SRSF11: variants seen among roughly 807,000 people sequenced by gnomAD.
SRSF11 encodes the protein serine and arginine rich splicing factor 11.
Under a neutral mutation model 56.0 loss-of-function variants are expected in SRSF11, and 9 were observed. The observed-to-expected ratio is 0.16, with a 90% CI of 0.10 to 0.28. The LOEUF (loss-of-function observed/expected upper bound fraction) is 0.28. Among genes scored for constraint, SRSF11 ranks in the 10% least tolerant of loss-of-function variants. SRSF11 has a pLI of 1.00. For missense variants in SRSF11, 421 were observed against 600.7 expected (o/e 0.70, Z 3.13); for synonymous variants, 222 against 215.3 (o/e 1.03, Z -0.27).
rs1677850132 is a variant in SRSF11, at chr1:70,250,877, T to A, written c.*72T>A. 1 of 1,367,900 alleles carries A rather than the reference T, an allele frequency of 7.3e-7. No homozygotes were observed. The highest frequency in any genetic ancestry group is 1.0e-6 in the Non-Finnish European group (1 of 966,428). The allele number at this position is 1,367,900 out of a possible 1,614,324, so 84.7% of individuals were successfully genotyped here. ...TCCTTTGTGTGATTTCTTAATGCTGTATTTGTTCATCTCAAACCTAGATGT... is the reference window on the plus strand; with the variant it reads ...TCCTTTGTGTGATTTCTTAATGCTGAATTTGTTCATCTCAAACCTAGATGT... On this transcript the variant is annotated 3_prime_UTR_variant, in exon 12 of 12. Coordinates refer to ENST00000370949, the MANE Select transcript of SRSF11 (RefSeq NM_001350605.2).
chr1:70,210,751 C>T (rs554831776), intron 1 of SRSF11, among the ~76,000 whole-genome samples: 83 of 152,182 alleles, frequency 5.5e-4, no homozygotes, highest in African/African-American at 2.0e-3. Context: ...CAGCTCTCTC[C>T]ACTTTCAACA....
At chr1:70,230,817 A>G (rs1286376361) in intron 2 of SRSF11, 1 of 1,177,570 alleles carries the variant, frequency 8.5e-7, no homozygotes, top group African/African-American at 1.6e-5. Context: ...TTGATACTGA[A>G]TATATCCTCT....
intron 1 of SRSF11, among the ~76,000 whole-genome samples, chr1:70,226,535 A>C (rs1389790473): frequency 6.6e-6 from 1 of 152,176 alleles, no homozygotes; most frequent in Admixed American, 6.5e-5. Flanking sequence ...CATATTTGGG[A>C]GTCATTTCTT....
intron 1 of SRSF11, among the ~76,000 whole-genome samples, chr1:70,211,846 C>T (rs1009178425): frequency 2.0e-5 from 3 of 152,158 alleles, no homozygotes; most frequent in Non-Finnish European, 4.4e-5. Context: ...GTTTTTCACT[C>T]AACATTACAT....
intron 1 of SRSF11, among the ~76,000 whole-genome samples, chr1:70,212,642 G>A (rs1285212702): frequency 6.6e-6 from 1 of 152,154 alleles, no homozygotes; most frequent in Non-Finnish European, 1.5e-5. Flanking sequence ...GCCTCTTAAA[G>A]GAGAAGGGGC....
intron 1 of SRSF11, among the ~76,000 whole-genome samples, chr1:70,215,523 G>A (rs1669930405): frequency 6.6e-6 from 1 of 152,140 alleles, no homozygotes; most frequent in African/African-American, 2.4e-5. Flanking sequence ...ATATTGTTAG[G>A]TATCAGAAAC....
In SRSF11 at chr1:70,224,662, C is replaced by T. The variant is rs1266794098; in HGVS notation, c.203+2823C>T. Among the ~76,000 whole-genome samples, 5 of 152,176 alleles carry T rather than the reference C, an allele frequency of 3.3e-5. No individual in the cohort carries two copies. The East Asian group carries it at 5.8e-4, about 18-fold the overall frequency. Reference sequence around the variant, plus strand: ...TTTCCTGCATTGTCATTGTTAAGTCCATCTATTTATTCCTTCTTTTAAACC... The same window carrying T: ...TTTCCTGCATTGTCATTGTTAAGTCTATCTATTTATTCCTTCTTTTAAACC... On this transcript the variant is annotated intron_variant, in intron 1 of 11. Transcript: ENST00000370949.
chr1:70,248,798 T>C (rs1404464638), intron 9 of SRSF11: 2 of 152,124 alleles, frequency 1.3e-5, no homozygotes, highest in Non-Finnish European at 2.9e-5. Flanking sequence ...TGTGCTACAG[T>C]CTGTTGAAGG....
intron 1 of SRSF11, among the ~76,000 whole-genome samples, chr1:70,214,119 A>G (rs1258225976): frequency 1.3e-5 from 2 of 152,244 alleles, no homozygotes; most frequent in Non-Finnish European, 2.9e-5. Flanking sequence ...CGAAAAACGT[A>G]TTAAAATGCA....
At chr1:70,218,189 T>C (rs962916266), upstream of SRSF11, among the ~76,000 whole-genome samples, 3 of 152,050 alleles carry the variant, frequency 2.0e-5, no homozygotes, top group Non-Finnish European at 4.4e-5. Flanking sequence ...AGGATGGTCT[T>C]GATCTCCTGA....
At chr1:70,226,204 A>T (rs78652156) in intron 1 of SRSF11, among the ~76,000 whole-genome samples, 15,150 of 151,966 alleles carry the variant, frequency 0.1, 885 homozygotes, top group East Asian at 0.3. Flanking sequence ...AAAAAAAAAA[A>T]TTTTAATCGA....
chr1:70,232,482 T>G (rs1673024127), intron 3 of SRSF11, 105 bp downstream of exon 3: 1 of 804,206 alleles, frequency 1.2e-6, no homozygotes, highest in Non-Finnish European at 2.0e-6. Flanking sequence ...CTAGTTCAGA[T>G]AGCATTATCA....
intron 8 of SRSF11, among the ~76,000 whole-genome samples, chr1:70,246,376 G>A (rs536602599): frequency 1.4e-4 from 21 of 152,224 alleles, no homozygotes; most frequent in African/African-American, 4.6e-4. Context: ...CATGATAGAG[G>A]TTGACATGGG....
intron 9 of SRSF11, chr1:70,248,771 C>G (rs1054685356): frequency 7.9e-5 from 12 of 151,926 alleles, no homozygotes; most frequent in Non-Finnish European, 1.5e-4. Context: ...TTATTAAATA[C>G]CCACTGTGTT....
In SRSF11 at chr1:70,221,576, CT is replaced by C; in HGVS notation, c.-59del. On this transcript the variant is annotated 5_prime_UTR_variant, in exon 1 of 12. Transcript: ENST00000370949. ...CGCAATCCGGTTCCTCTTCCCCCTC[CT>C]TCTCACTGTTTGTTGTGTGTTTGAT... is the stretch of plus-strand genomic sequence containing the variant. 6.5e-7 allele frequency: 1 copy of C among 1,546,610 alleles called. No homozygotes were observed. The highest frequency in any genetic ancestry group is 8.7e-7 in the Non-Finnish European group (1 of 1,145,114).
chr1:70,242,875 C>G (rs886655307), intron 7 of SRSF11, among the ~76,000 whole-genome samples: 2 of 151,992 alleles, frequency 1.3e-5, no homozygotes, highest in African/African-American at 4.8e-5. Context: ...AGTAATTGCT[C>G]AAGAATACAG....
upstream of SRSF11, among the ~76,000 whole-genome samples, chr1:70,218,301 T>G (rs2100554151): frequency 6.6e-6 from 1 of 152,354 alleles, no homozygotes; most frequent in Non-Finnish European, 1.5e-5. Flanking sequence ...GCCTTCTAAC[T>G]TTAAATTCAG....
At chr1:70,227,730 T>C (rs1672111562) in intron 1 of SRSF11, among the ~76,000 whole-genome samples, 1 of 152,228 alleles carries the variant, frequency 6.6e-6, no homozygotes, top group South Asian at 2.1e-4. Flanking sequence ...CACTTGTCTT[T>C]CTTTTACCTA....
At position 70,221,671 on chromosome 1, in the gene SRSF11, G is replaced by A. The variant is rs1340711575; in HGVS notation, c.35G>A (p.Gly12Asp). The part of the protein sequence containing the change: ...SNTTVVPSTA[G>D]PGPSGGPGGG... The stretch of plus-strand genomic sequence containing the variant: ...ACTACCGTCGTCCCCAGCACTGCAG[G>A]TCCGGGCCCCAGCGGCGGGCCCGGT... Residue 12 changes from glycine (G) to aspartate (D), a missense_variant, in exon 1 of 12, where the codon GGT becomes GAT. Physicochemically the swap from Gly to Asp is moderately conservative, Grantham distance 94. Transcript: ENST00000370949. The A allele has an allele frequency of 1.9e-6, 3 of 1,612,826 alleles. No individual in the cohort carries two copies. The highest frequency in any genetic ancestry group is 1.3e-5 in the African/African-American group (1 of 74,982).
Sources: gnomAD v4.1 joint callset for allele counts (sites outside exome capture counted in the v4.1 genomes callset) on GRCh38, gnomAD v4.1.1 for gene constraint, MANE v1.5 for transcripts, NCBI Gene and HGNC (gene_info 2026-07-23, HGNC 2026-07-21) for gene names.